The following ZMAT5 variants were observed in gnomAD, a reference collection of about 807,000 sequenced individuals.
The protein encoded by ZMAT5 is zinc finger matrin-type 5.
A neutral mutation model predicts 28.0 loss-of-function variants in ZMAT5; 23 were observed. That is an observed-to-expected ratio of 0.82 (90% confidence interval 0.59 to 1.16). ZMAT5 has a LOEUF of 1.16. Among genes scored for constraint, ZMAT5 ranks in the 50% most tolerant of loss-of-function variants. The pLI is 0.00. For synonymous variants in ZMAT5, 76 were observed against 84.1 expected, an observed-to-expected ratio of 0.90 and a Z score of 0.52; for missense variants, 173 against 212.7, an observed-to-expected ratio of 0.81 and a Z score of 1.16.
rs1012268980 is a variant in ZMAT5 at position 29,748,220 on chromosome 22, A to C, written c.127+198T>G. 3.8e-5 allele frequency: 27 copies of C among 701,762 alleles called. No homozygotes were observed. The African/African-American group carries it at 4.1e-4, about 11-fold the overall frequency. The allele number at this position is 701,762 out of a possible 1,614,324, so 43.5% of individuals were successfully genotyped here. ...TCTAGGGCCTTCCTCCTGTCCACAG[A>C]GCCTTCAGTCAGCGTTGTTGGGGAA... On this transcript the variant is annotated intron_variant, in intron 2 of 5. Transcript: ENST00000344318.
intron 2 of ZMAT5, among the ~76,000 whole-genome samples, chr22:29,745,644 G>C (rs1289005760): frequency 1.3e-5 from 2 of 152,194 alleles, no homozygotes; most frequent in Admixed American, 6.5e-5. Flanking sequence ...CTGGAAGGTG[G>C]GGACTGTTGT....
chr22:29,742,612 C>T (rs1341726500), intron 2 of ZMAT5, 132 bp from the exon 3 acceptor site: 7 of 822,210 alleles, frequency 8.5e-6, no homozygotes, highest in Admixed American at 2.2e-5. Context: ...TCCTGTTCCA[C>T]GGAGGAGTGG....
intron 4 of ZMAT5, 87 bp downstream of exon 4, chr22:29,740,563 G>A (rs1295872197): frequency 1.5e-5 from 21 of 1,363,920 alleles, no homozygotes; most frequent in Non-Finnish European, 2.1e-5. Context: ...TGGGGAGATA[G>A]GGAGGCATAG....
Position 29,740,856 on chromosome 22 carries a change from G to A in ZMAT5, c.191-126C>T. The A allele has an allele frequency of 5.1e-6, 4 of 791,884 alleles. No individual in the cohort carries two copies. In the East Asian group the frequency reaches 1.1e-4, roughly 21 times the overall value. 49.1% of individuals were successfully genotyped at this position (791,884 alleles called of 1,614,324 possible). On this transcript the variant is annotated intron_variant, in intron 3 of 5. Transcript: ENST00000344318. ...TCAGGGCCTAAAGAATAGCAACCCT[G>A]ATCCGGGACAGAAAATGGAATCTCT... is the stretch of plus-strand genomic sequence containing the variant.
At position 29,748,427 on chromosome 22, in the gene ZMAT5, T is replaced by C. The variant is rs770636318; in HGVS notation, c.118A>G (p.Met40Val). The change falls in exon 2 of 6, where the codon ATG becomes GTG. Residue 40 changes from methionine to valine, a missense_variant. Transcript: ENST00000344318. The part of the protein sequence containing the change: ...HLKAKKVWYD[M>V]FRDAAAILLD... ...AGCCAGCGGCACCCACCTCGGAACA[T>C]GTCGTACCAGACCTTCTTGGCCTTG... The C allele has an allele frequency of 6.6e-5, 107 of 1,614,100 alleles. No individual in the cohort carries two copies. The highest frequency in any genetic ancestry group is 8.6e-5 in the Non-Finnish European group (102 of 1,180,040).
intron 2 of ZMAT5, among the ~76,000 whole-genome samples, chr22:29,743,400 T>C (rs2067981961): frequency 6.6e-6 from 1 of 152,174 alleles, no homozygotes; most frequent in East Asian, 1.9e-4. Flanking sequence ...CTGATCCTAA[T>C]CTTAACCCTA....
intron 1 of ZMAT5, among the ~76,000 whole-genome samples, chr22:29,757,696 G>A (rs1413846381): frequency 6.6e-6 from 1 of 152,086 alleles, no homozygotes; most frequent in Non-Finnish European, 1.5e-5. Flanking sequence ...CAGAGGTGAG[G>A]GTATGCCATT....
intron 1 of ZMAT5, among the ~76,000 whole-genome samples, chr22:29,755,528 T>G (rs2068094065): frequency 6.6e-6 from 1 of 152,044 alleles, no homozygotes; most frequent in Non-Finnish European, 1.5e-5. Context: ...GGGTGACAGC[T>G]TCAGATTTGA....
intron 1 of ZMAT5, among the ~76,000 whole-genome samples, chr22:29,749,815 G>C (rs2068041607): frequency 6.6e-6 from 1 of 152,030 alleles, no homozygotes; most frequent in African/African-American, 2.4e-5. Flanking sequence ...TTTTATAAGG[G>C]GCTCTTCGTG....
chr22:29,748,659 G>A (rs1331007112), intron 1 of ZMAT5, 88 bp from the exon 2 acceptor site: 1 of 1,526,836 alleles, frequency 6.5e-7, no homozygotes, highest in East Asian at 2.3e-5. Flanking sequence ...GGCCAGGCCT[G>A]AGCCCAGGCT....
rs148797464 is a variant in ZMAT5 at position 29,742,544 on chromosome 22, G to A, written c.128-64C>T. 6.5e-3 allele frequency: 9,729 copies of A among 1,506,486 alleles called. 49 individuals are homozygous for A. The highest frequency in any genetic ancestry group is 7.3e-3 in the Non-Finnish European group (7,929 of 1,089,250). The allele number at this position is 1,506,486 out of a possible 1,614,324, so 93.3% of individuals were successfully genotyped here. On this transcript the variant is annotated intron_variant, in intron 2 of 5. Coordinates refer to ENST00000344318, the MANE Select transcript of ZMAT5 (RefSeq NM_001003692.2). ...GCTCCACCAAAGGAGGCAGGAAGTG[G>A]AAGCCACAGGGGCATATGGACCCTT...
At chr22:29,735,548 C>T (rs2067896308) in intron 5 of ZMAT5, among the ~76,000 whole-genome samples, 1 of 152,242 alleles carries the variant, frequency 6.6e-6, no homozygotes, top group African/African-American at 2.4e-5. Context: ...TTGGGCCAGC[C>T]CTGAACTTGG....
intron 5 of ZMAT5, among the ~76,000 whole-genome samples, chr22:29,737,083 A>C (rs1258593029): frequency 6.6e-6 from 1 of 150,996 alleles, no homozygotes; most frequent in Non-Finnish European, 1.5e-5. Flanking sequence ...AACACGTTGC[A>C]CTTTGGGAGG....
At chr22:29,742,130 A>G (rs961915458) in intron 3 of ZMAT5, among the ~76,000 whole-genome samples, 2 of 152,224 alleles carry the variant, frequency 1.3e-5, no homozygotes, top group African/African-American at 4.8e-5. Context: ...CAACAAGTCT[A>G]TTCCACCCAT....
intron 1 of ZMAT5, among the ~76,000 whole-genome samples, chr22:29,763,370 G>A (rs186985346): frequency 2.0e-5 from 3 of 151,748 alleles, no homozygotes; most frequent in Non-Finnish European, 2.9e-5. Context: ...TTGGGAGGCC[G>A]AGGTGGGTGG....
chr22:29,745,589 T>C (rs193100271), intron 2 of ZMAT5, among the ~76,000 whole-genome samples: 3 of 152,358 alleles, frequency 2.0e-5, no homozygotes, highest in Admixed American at 2.0e-4. Context: ...TAAGCTCTTA[T>C]GTGCCATGCA....
chr22:29,759,867 A>G (rs1395476510), intron 1 of ZMAT5, among the ~76,000 whole-genome samples: 2 of 151,834 alleles, frequency 1.3e-5, no homozygotes, highest in African/African-American at 4.8e-5. Context: ...GGAGTTGAAG[A>G]CCAGCCTGGC....
rs1270895946 is a variant in ZMAT5 at position 29,744,926 on chromosome 22, A to G, written c.128-2446T>C. 3.9e-5 allele frequency among the ~76,000 whole-genome samples: 6 copies of G among 152,338 alleles called. No homozygotes were observed. In the East Asian group the frequency reaches 9.7e-4, roughly 25 times the overall value. ...TTGCAGTGGGTATTCAAGGCCCCTC[A>G]TGATCTGATCCTATTGGTCCTTCTT... On this transcript the variant is annotated intron_variant, in intron 2 of 5. Transcript: ENST00000344318.
chr22:29,756,728 G>A (rs931191229), intron 1 of ZMAT5, among the ~76,000 whole-genome samples: 1 of 151,828 alleles, frequency 6.6e-6, no homozygotes, highest in African/African-American at 2.4e-5. Flanking sequence ...GGGCAACATA[G>A]TTAGACCCCA....
Sources: gnomAD v4.1 joint callset for allele counts (sites outside exome capture counted in the v4.1 genomes callset) on GRCh38, gnomAD v4.1.1 for gene constraint, MANE v1.5 for transcripts, NCBI Gene and HGNC (gene_info 2026-07-23, HGNC 2026-07-21) for gene names.